ADGRD1: variants seen among roughly 807,000 people sequenced by gnomAD.
ADGRD1 encodes G-protein coupled receptor 133.
In ADGRD1, 77 loss-of-function variants were observed where a neutral mutation model predicts 113.4. The observed-to-expected ratio is 0.68, with a 90% CI of 0.57 to 0.82. The LOEUF (loss-of-function observed/expected upper bound fraction) is 0.82. Among genes scored for constraint, ADGRD1 ranks in the 40% least tolerant of loss-of-function variants. The pLI, the probability that ADGRD1 is intolerant of heterozygous loss-of-function variation, is 0.00. For synonymous variants in ADGRD1, 474 were observed against 475.0 expected (o/e 1.00, Z 0.03); for missense variants, 1,036 against 1,139.1 (o/e 0.91, Z 1.30).
At chr12:130,956,883 A>G (rs963070748) in intron 2 of ADGRD1, 1 of 152,460 alleles carries the variant, frequency 6.6e-6, no homozygotes. Flanking sequence ...ACACATATGC[A>G]TACACACACA....
At chr12:131,120,788 A>C in intron 19 of ADGRD1, 59 bp from the exon 20 acceptor site, 1 of 1,555,568 alleles carries the variant, frequency 6.4e-7, no homozygotes, top group Non-Finnish European at 8.9e-7. Context: ...CTTTTGGATG[A>C]AGGTACGCTG....
intron 19 of ADGRD1, 40 bp downstream of exon 19, chr12:131,118,491 A>G (rs1210679551): frequency 8.1e-6 from 12 of 1,480,474 alleles, no homozygotes; most frequent in Non-Finnish European, 9.3e-6. Flanking sequence ...CAGGCGTTCC[A>G]TGGAACAGCT....
In ADGRD1 at chr12:130,990,523, T is replaced by C. The variant is rs116088047; in HGVS notation, c.746-491T>C. On this transcript the variant is annotated intron_variant, in intron 6 of 24. Coordinates refer to ENST00000261654, the MANE Select transcript of ADGRD1 (RefSeq NM_198827.5). ...TGAGTGCAAAGAATAGCTGGAATCC[T>C]TGGGCTAGAGGGGGCTCAGGAAGAC... 5.4e-3 allele frequency: 830 copies of C among 153,254 alleles called. 12 individuals carry two copies. Among genetic ancestry groups the C allele is most frequent in the African/African-American group, 0.019 (782 of 41,596 alleles). The allele number at this position is 153,254 out of a possible 1,614,324, so 9.5% of individuals were successfully genotyped here. A position where few individuals can be genotyped will look rare whatever the true frequency, so the allele number is the denominator to read the frequency against.
At chr12:131,038,925 G>T (rs1175122229) in intron 13 of ADGRD1, among the ~76,000 whole-genome samples, 1 of 152,258 alleles carries the variant, frequency 6.6e-6, no homozygotes, top group Non-Finnish European at 1.5e-5. Context: ...TGGGGCAGAT[G>T]GAGCAGGGTG....
At chr12:131,025,762 T>G (rs1158561861) in intron 13 of ADGRD1, 1 of 152,282 alleles carries the variant, frequency 6.6e-6, no homozygotes, top group Non-Finnish European at 1.5e-5. Flanking sequence ...CTCGAACTCC[T>G]GGCCTCAAGT....
rs573481794 is a variant in ADGRD1, at chr12:131,013,160, C to A, written c.1332-1039C>A. 2.6e-5 allele frequency among the ~76,000 whole-genome samples: 4 copies of A among 152,264 alleles called. No homozygotes were observed. In the South Asian group the frequency reaches 8.3e-4, roughly 32 times the overall value. ...CCTGAATATCTTTTCAAGCTCATAA[C>A]CCCACGAGACAGCCACTGTAGACAT... On this transcript the variant is annotated intron_variant, in intron 12 of 24. Transcript: ENST00000261654.
At chr12:131,123,241 C>T (rs1950648138) in intron 20 of ADGRD1, among the ~76,000 whole-genome samples, 1 of 151,252 alleles carries the variant, frequency 6.6e-6, no homozygotes, top group Non-Finnish European at 1.5e-5. Flanking sequence ...AACAGGGTTT[C>T]ACCATGTTGG....
chr12:130,992,113 TCA>T lies in ADGRD1; in HGVS notation c.811-123_811-122del, dbSNP rs552102243. On this transcript the variant is annotated intron_variant, in intron 7 of 24. Coordinates refer to ENST00000261654, the MANE Select transcript of ADGRD1 (RefSeq NM_198827.5). ...TCCAGCCTGGGCAACAGAGCAAGAC[TCA>T]GTCTCAAAAAAAAAAAAAAAAATTA... 343 of 663,674 alleles carry T rather than the reference TCA, an allele frequency of 5.2e-4. 1 individual carries two copies. The African/African-American group carries it at 7.3e-3, about 14-fold the overall frequency. The allele number at this position is 663,674 out of a possible 1,614,324, so 41.1% of individuals were successfully genotyped here.
chr12:130,966,960 C>T lies in ADGRD1; in HGVS notation c.187+414C>T, dbSNP rs768523035. ...AGAATTTTTATAGAGAGAGCTATTG[C>T]GTATTGAATGGGAGAATTTCTGATT... On this transcript the variant is annotated intron_variant, in intron 3 of 24. Transcript: ENST00000261654. This position sits in a 1 kb window ranked among gnomAD's most constrained non-coding sequence, Gnocchi z 4.6. 2.5e-5 allele frequency: 11 copies of T among 448,960 alleles called. 1 individual carries two copies. Among genetic ancestry groups the T allele is most frequent in the African/African-American group, 1.0e-4 (5 of 50,006 alleles). 27.8% of individuals were successfully genotyped at this position (448,960 alleles called of 1,614,324 possible). A position where few individuals can be genotyped will look rare whatever the true frequency, so the allele number is the denominator to read the frequency against.
chr12:131,071,794 C>G (rs1300003570), intron 13 of ADGRD1, among the ~76,000 whole-genome samples: 1 of 152,064 alleles, frequency 6.6e-6, no homozygotes, highest in African/African-American at 2.4e-5. Context: ...CAGCACTGAA[C>G]TCAGCCGCCT....
At chr12:131,078,366 C>T (rs1435011024) in intron 14 of ADGRD1, among the ~76,000 whole-genome samples, 1 of 152,198 alleles carries the variant, frequency 6.6e-6, no homozygotes, top group Non-Finnish European at 1.5e-5. Context: ...TGGCTATGAC[C>T]GTTGGCGTCA....
chr12:130,980,149 G>C (rs1872779097), intron 4 of ADGRD1, among the ~76,000 whole-genome samples: 1 of 151,838 alleles, frequency 6.6e-6, no homozygotes, highest in Non-Finnish European at 1.5e-5. Flanking sequence ...CTGTCGCCCA[G>C]GCTGGAGTGC....
At chr12:131,016,139 G>A (rs1322679486) in intron 13 of ADGRD1, among the ~76,000 whole-genome samples, 1 of 152,236 alleles carries the variant, frequency 6.6e-6, no homozygotes, top group East Asian at 1.9e-4. Context: ...GCCCTCTGCG[G>A]CCTGCACAGA....
intron 21 of ADGRD1, among the ~76,000 whole-genome samples, chr12:131,132,671 G>A (rs1180716844): frequency 6.6e-6 from 1 of 152,208 alleles, no homozygotes; most frequent in Admixed American, 6.5e-5. Flanking sequence ...GCCTGCGCCT[G>A]GAGGACGATG....
rs770667799 is a variant in ADGRD1 at position 130,966,567 on chromosome 12, A to G, written c.187+21A>G. On this transcript the variant is annotated intron_variant, in intron 3 of 24. Transcript: ENST00000261654. The surrounding 1 kb of genome is among the most constrained non-coding windows in gnomAD (Gnocchi z 4.6). ...TGGAGGTAGAGACGCGGGTGCTGAGAGCGGCTGTGGGCGCGGGAATCCCAG... is the reference window on the plus strand; with the variant it reads ...TGGAGGTAGAGACGCGGGTGCTGAGGGCGGCTGTGGGCGCGGGAATCCCAG... The G allele has an allele frequency of 2.0e-6, 3 of 1,523,286 alleles. 1 individual carries two copies. The South Asian group carries it at 3.4e-5, about 17-fold the overall frequency. 94.4% of individuals were successfully genotyped at this position (1,523,286 alleles called of 1,614,324 possible).
intron 20 of ADGRD1, among the ~76,000 whole-genome samples, chr12:131,124,647 C>T (rs908441627): frequency 6.6e-6 from 1 of 152,062 alleles, no homozygotes; most frequent in African/African-American, 2.4e-5. Context: ...CAGGCGTCTA[C>T]AGCCAAACAC....
intron 14 of ADGRD1, among the ~76,000 whole-genome samples, chr12:131,082,706 G>A (rs750931181): frequency 4.6e-5 from 7 of 152,156 alleles, no homozygotes; most frequent in African/African-American, 7.2e-5. Context: ...ATCAAAAGGG[G>A]TGGGGAGGGA....
At chr12:131,118,271 G>A in intron 18 of ADGRD1, 114 bp from the exon 19 acceptor site, 1 of 719,658 alleles carries the variant, frequency 1.4e-6, no homozygotes, top group Non-Finnish European at 2.4e-6. Context: ...TTCCCCCTCT[G>A]TATACATGTA....
chr12:130,987,219 C>G lies in ADGRD1; in HGVS notation c.615C>G (p.Asn205Lys), dbSNP rs745958911. 18 of 1,614,214 alleles carry G rather than the reference C, an allele frequency of 1.1e-5. No individual in the cohort carries two copies. The highest frequency in any genetic ancestry group is 1.5e-5 in the Non-Finnish European group (18 of 1,180,030). ...TGTCTCGTGACTATGGAGAGTCCAA[C>G]GTCAACCTCGTGATAGGGTCTGAGC... The part of the protein sequence containing the change: ...GKVSRDYGES[N>K]VNLVIGSEQD... The change falls in exon 6 of 25, where the codon AAC becomes AAG. Residue 205 changes from asparagine (N) to lysine (K), a missense_variant. Physicochemically the swap from Asn to Lys is moderately conservative, Grantham distance 94. Coordinates refer to ENST00000261654, the MANE Select transcript of ADGRD1 (RefSeq NM_198827.5).
Sources: allele counts gnomAD v4.1 joint callset (sites outside exome capture counted in the v4.1 genomes callset), GRCh38; gene constraint gnomAD v4.1.1; non-coding constraint Gnocchi (gnomAD v3.1); transcripts MANE v1.5; gene names NCBI Gene and HGNC (gene_info 2026-07-23, HGNC 2026-07-21).